TNXB: variants seen among roughly 807,000 people sequenced by gnomAD.
The protein encoded by TNXB is tenascin XB.
A neutral mutation model predicts 340.5 loss-of-function variants in TNXB; 183 were observed. That is an observed-to-expected ratio of 0.54 (90% CI 0.48 to 0.61). The LOEUF is 0.61. TNXB is among the 20% of genes least tolerant of loss of function. TNXB has a pLI of 0.00. For synonymous variants in TNXB, 2,121 were observed against 2,314.5 expected, an observed-to-expected ratio of 0.92 and a Z score of 2.40; for missense variants, 4,613 against 5,446.4, an observed-to-expected ratio of 0.85 and a Z score of 4.82.
Position 32,085,659 on chromosome 6 carries a change from CCCT to C in TNXB, c.3148+88_3148+90del. On this transcript the variant is annotated intron_variant, in intron 7 of 43. Coordinates refer to ENST00000644971, the MANE Select transcript of TNXB (RefSeq NM_001365276.2). The surrounding 1 kb of genome is among the most constrained non-coding windows in gnomAD (Gnocchi z 6.4). ...AACATCAGCCCTGCCCTTCACTGGCCCCTCAATATCCATCCTACCTCTGAAGTC... is the reference window on the plus strand; with the variant it reads ...AACATCAGCCCTGCCCTTCACTGGCCCAATATCCATCCTACCTCTGAAGTC... 7.2e-7 allele frequency: 1 copy of C among 1,391,788 alleles called. No homozygotes were observed. Among genetic ancestry groups the C allele is most frequent in the Non-Finnish European group, 9.5e-7 (1 of 1,057,914 alleles). 86.2% of individuals were successfully genotyped at this position (1,391,788 alleles called of 1,614,324 possible). A position where few individuals can be genotyped will look rare whatever the true frequency, so the allele number is the denominator to read the frequency against.
chr6:32,061,668 C>T lies in TNXB; in HGVS notation c.7221G>A (p.Glu2407=), dbSNP rs1480880515. ...CCCCCAGGAGCGGCTCCTCAGGGGGCTCCGGGGCCTCCATGCTGGGTTCTG... is the reference window on the plus strand; with the variant it reads ...CCCCCAGGAGCGGCTCCTCAGGGGGTTCCGGGGCCTCCATGCTGGGTTCTG... ...SPTEPSMEAP[E]PPEEPLLGEL... Residue 2407 remains glutamate (E), a synonymous_variant, in exon 21 of 44, where the codon GAG becomes GAA. Coordinates refer to ENST00000644971, the MANE Select transcript of TNXB (RefSeq NM_001365276.2). This position sits in a 1 kb window ranked among gnomAD's most constrained non-coding sequence, Gnocchi z 4.4. 2.5e-6 allele frequency: 4 copies of T among 1,612,650 alleles called. No individual in the cohort carries two copies. The highest frequency in any genetic ancestry group is 2.2e-5 in the South Asian group (2 of 91,080).
At chr6:32,101,077 C>CA (rs35800696) in intron 1 of TNXB, among the ~76,000 whole-genome samples, 5,508 of 46,536 alleles carry the variant, frequency 0.12, 651 homozygotes, top group Non-Finnish European at 0.14. Flanking sequence ...AACTCCATCT[C>CA]AAAAAAAAAA....
At chr6:32,060,340 A>G (rs1198320879) in intron 21 of TNXB, among the ~76,000 whole-genome samples, 1 of 151,880 alleles carries the variant, frequency 6.6e-6, no homozygotes, top group Non-Finnish European at 1.5e-5. Flanking sequence ...CTCAAAAAAA[A>G]AAAAGAAGGA....
At chr6:32,053,043 T>C in intron 25 of TNXB, 50 bp from the exon 26 acceptor site, 1 of 1,571,532 alleles carries the variant, frequency 6.4e-7, no homozygotes. Flanking sequence ...GGGGATGTCC[T>C]TGGGTCTTGT....
intron 29 of TNXB, 131 bp downstream of exon 29, chr6:32,048,232 C>T (rs1777024373): frequency 3.6e-6 from 4 of 1,126,432 alleles, no homozygotes; most frequent in Non-Finnish European, 1.2e-6. Flanking sequence ...AGCTCAGGGC[C>T]TGGGTTTTCC....
chr6:32,072,694 G>T lies in TNXB; in HGVS notation c.4682-396C>A, dbSNP rs1019939977. 6.6e-6 allele frequency among the ~76,000 whole-genome samples: 1 copy of T among 152,250 alleles called. No homozygotes were observed. Among genetic ancestry groups the T allele is most frequent in the African/African-American group, 2.4e-5 (1 of 41,470 alleles). On this transcript the variant is annotated intron_variant, in intron 12 of 43. Transcript: ENST00000644971. The surrounding 1 kb of genome is among the most constrained non-coding windows in gnomAD (Gnocchi z 4.4). ...ATTTTTAAGAAATATTTTGGGCCGG[G>T]TGCAGTGGCTCATGCCAGGCCGAGG...
intron 1 of TNXB, among the ~76,000 whole-genome samples, chr6:32,103,534 T>C (rs543285714): frequency 1.4e-4 from 21 of 152,068 alleles, no homozygotes; most frequent in African/African-American, 4.8e-4. Flanking sequence ...GTTGTCAAAA[T>C]TTATTTGTAT....
In TNXB at chr6:32,073,933, G is replaced by A. The variant is rs761864565; in HGVS notation, c.4395C>T (p.Thr1465=). Residue 1465 remains threonine, a synonymous_variant, in exon 12 of 44, where the codon ACC becomes ACT. Transcript: ENST00000644971. This position sits in a 1 kb window ranked among gnomAD's most constrained non-coding sequence, Gnocchi z 4.6. ...VGVTAPQQEE[T]PPATESPLEP... ...CCAGCGGGGACTCAGTGGCTGGAGG[G>A]GTCTCTTCTTGTTGTGGGGCTGGGA... 1 of 1,599,100 alleles carries A rather than the reference G, an allele frequency of 6.3e-7. No individual in the cohort carries two copies. Among genetic ancestry groups the A allele is most frequent in the Non-Finnish European group, 8.5e-7 (1 of 1,171,842 alleles).
intron 11 of TNXB, among the ~76,000 whole-genome samples, chr6:32,076,949 T>C (rs1779114715): frequency 6.6e-6 from 1 of 152,010 alleles, no homozygotes; most frequent in Non-Finnish European, 1.5e-5. Flanking sequence ...GCCACTGCAC[T>C]CCAGCCTGGG....
chr6:32,067,111 AAG>A lies in TNXB; in HGVS notation c.6544+548_6544+549del, dbSNP rs59563811. ...AAGAAAAGAATGAAAGAAAGAAAGA[AAG>A]AGAAAGAAAGAAAGGAAGGAAGAAA... On this transcript the variant is annotated intron_variant, in intron 18 of 43. Transcript: ENST00000644971. This position sits in a 1 kb window ranked among gnomAD's most constrained non-coding sequence, Gnocchi z 4.2. Among the ~76,000 whole-genome samples, 1 of 132,396 alleles carries A rather than the reference AAG, an allele frequency of 7.6e-6. No homozygotes were observed. Among genetic ancestry groups the A allele is most frequent in the Non-Finnish European group, 1.6e-5 (1 of 62,212 alleles). The allele number at this position is 132,396 out of a possible 152,430, so 86.9% of individuals were successfully genotyped here. A position where few individuals can be genotyped will look rare whatever the true frequency, so the allele number is the denominator to read the frequency against.
chr6:32,050,873 C>G (rs2151894428), intron 26 of TNXB, among the ~76,000 whole-genome samples: 1 of 152,302 alleles, frequency 6.6e-6, no homozygotes, highest in East Asian at 1.9e-4. Flanking sequence ...GCTTCCCTGC[C>G]TCTAGGCTCC....
In TNXB at chr6:32,058,465, G is replaced by T; in HGVS notation, c.7493-75C>A. On this transcript the variant is annotated intron_variant, in intron 21 of 43. Transcript: ENST00000644971. This position sits in a 1 kb window ranked among gnomAD's most constrained non-coding sequence, Gnocchi z 5.1. ...TGCTTTGCTGGTGCTGTCAACAGAG[G>T]TCATACATCAAATGTGCCCCTCCAG... 2.3e-6 allele frequency: 3 copies of T among 1,288,514 alleles called. No homozygotes were observed. The highest frequency in any genetic ancestry group is 3.2e-6 in the Non-Finnish European group (3 of 947,978). The allele number at this position is 1,288,514 out of a possible 1,614,324, so 79.8% of individuals were successfully genotyped here.
Position 32,097,532 on chromosome 6 carries a change from CCTAGCCAGG to C in TNXB, c.404-92_404-84del. The C allele has an allele frequency of 6.7e-7, 1 of 1,481,766 alleles. No homozygotes were observed. The highest frequency in any genetic ancestry group is 9.0e-7 in the Non-Finnish European group (1 of 1,109,254). 91.8% of individuals were successfully genotyped at this position (1,481,766 alleles called of 1,614,324 possible). On this transcript the variant is annotated intron_variant, in intron 2 of 43. Transcript: ENST00000644971. This position sits in a 1 kb window ranked among gnomAD's most constrained non-coding sequence, Gnocchi z 5.9. ...TATGTAGTGCTCCTATGTGCAGGCCCCTAGCCAGGCTAGCCTCATCTCATAAGGCCATGT... is the reference window on the plus strand; with the variant it reads ...TATGTAGTGCTCCTATGTGCAGGCCCCTAGCCTCATCTCATAAGGCCATGT...
chr6:32,046,208 G>T lies in TNXB; in HGVS notation c.10573C>A (p.Arg3525Ser), dbSNP rs768081210. 6.3e-7 allele frequency: 1 copy of T among 1,592,194 alleles called. No homozygotes were observed. Among genetic ancestry groups the T allele is most frequent in the Non-Finnish European group, 8.6e-7 (1 of 1,166,814 alleles). The change falls in exon 31 of 44, where the codon CGC (arginine) becomes AGC (serine). Residue 3525 changes from arginine to serine, a missense_variant. Around this residue, in one of 7 missense-constraint regions of TNXB, gnomAD observed 4,327 missense variants for 4,859.4 expected, o/e 0.89. Coordinates refer to ENST00000644971, the MANE Select transcript of TNXB (RefSeq NM_001365276.2). The surrounding 1 kb of genome is among the most constrained non-coding windows in gnomAD (Gnocchi z 6.9). ...CCCAGGGCAGAGACCGGGCCCAGGC[G>T]CTTTCCCCCAAGGAGCCCGTAGAGC... ...FLLYGLLGGK[R>S]LGPVSALGMT...
At position 32,083,910 on chromosome 6, in the gene TNXB, C is replaced by T. The variant is rs1028979077; in HGVS notation, c.3445+503G>A. Among the ~76,000 whole-genome samples, 37 of 152,184 alleles carry T rather than the reference C, an allele frequency of 2.4e-4. No homozygotes were observed. Among genetic ancestry groups the T allele is most frequent in the African/African-American group, 8.9e-4 (37 of 41,430 alleles). On this transcript the variant is annotated intron_variant, in intron 8 of 43. Transcript: ENST00000644971. The surrounding 1 kb of genome is among the most constrained non-coding windows in gnomAD (Gnocchi z 4.6). ...CTCCTAGCCTCAAGCGATCCTCCTGCCTTGGCCTCCCAAGGTGCTGGGATT... is the reference window on the plus strand; with the variant it reads ...CTCCTAGCCTCAAGCGATCCTCCTGTCTTGGCCTCCCAAGGTGCTGGGATT...
chr6:32,098,751 A>G (rs954188877), intron 1 of TNXB, among the ~76,000 whole-genome samples: 4 of 135,790 alleles, frequency 2.9e-5, no homozygotes, highest in African/African-American at 1.1e-4. Flanking sequence ...AAGTGCTGGG[A>G]TTACAGGCAT....
rs1781103793 is a variant in TNXB at position 32,108,806 on chromosome 6, C to T, written c.-9+375G>A. ...AGCTGGCCACCAGTTCAGCCTAGTC[C>T]TATCTTCCCGCTAGCCCCAGCACCT... On this transcript the variant is annotated intron_variant, in intron 1 of 43. Coordinates refer to ENST00000644971, the MANE Select transcript of TNXB (RefSeq NM_001365276.2). This position sits in a 1 kb window ranked among gnomAD's most constrained non-coding sequence, Gnocchi z 4.8. Among the ~76,000 whole-genome samples the T allele has an allele frequency of 6.6e-6, 1 of 152,132 alleles. No individual in the cohort carries two copies. Among genetic ancestry groups the T allele is most frequent in the Non-Finnish European group, 1.5e-5 (1 of 68,010 alleles).
chr6:32,059,365 G>C (rs959118819), intron 21 of TNXB, among the ~76,000 whole-genome samples: 7 of 148,878 alleles, frequency 4.7e-5, no homozygotes, highest in Non-Finnish European at 8.9e-5. Context: ...GTTGCAGTGA[G>C]CTGAGATCAC....
rs150957138 is a variant in TNXB, at chr6:32,097,148, GCA to G, written c.703_704del (p.Cys235ProfsTer25). On this transcript the variant is annotated frameshift_variant, in exon 3 of 44. Transcript: ENST00000644971. LOFTEE classifies it high-confidence loss of function. This position sits in a 1 kb window ranked among gnomAD's most constrained non-coding sequence, Gnocchi z 5.9. ...AGTCGGGGCCTGAGAAGCCTGCCCG[GCA>G]CACACACACGCCCTGCACGCAGCGC... ...RGRCVQGVCV[C>X]RAGFSGPDCS... The G allele has an allele frequency of 8.7e-6, 14 of 1,600,258 alleles. No individual in the cohort carries two copies. Among genetic ancestry groups the G allele is most frequent in the Admixed American group, 5.2e-5 (3 of 57,496 alleles).
Sources: gnomAD v4.1 joint callset for allele counts (sites outside exome capture counted in the v4.1 genomes callset) on GRCh38, gnomAD v4.1.1 for gene constraint, gnomAD v4.1.1 regional missense constraint, Gnocchi (gnomAD v3.1) non-coding constraint, MANE v1.5 for transcripts, NCBI Gene and HGNC (gene_info 2026-07-23, HGNC 2026-07-21) for gene names.